Variants in ATRIP observed in about 807,000 individuals in gnomAD.
ATRIP encodes the protein ATR-interacting protein.
In ATRIP, 44 loss-of-function variants were observed where a neutral mutation model predicts 78.1. The ratio of observed to expected loss-of-function variants is 0.56; its 90% CI spans 0.44 to 0.72. The LOEUF (loss-of-function observed/expected upper bound fraction) is 0.72. ATRIP is among the 30% of genes least tolerant of loss of function. ATRIP has a pLI of 0.00. For synonymous variants in ATRIP, 388 were observed against 408.9 expected, an observed-to-expected ratio of 0.95 and a Z score of 0.62; for missense variants, 927 against 980.2, an observed-to-expected ratio of 0.95 and a Z score of 0.72.
Position 48,466,005 on chromosome 3 carries a change from A to G in ATRIP, c.*451A>G, listed in dbSNP as rs532909513. On this transcript the variant is annotated 3_prime_UTR_variant, in exon 13 of 13. Transcript: ENST00000320211. Reference sequence around the variant, plus strand: ...TAAGACCGGGAGCTGGTCTGGCACCACTGCCCTGGTCCTTCCAGCTGCCTG... The same window carrying G: ...TAAGACCGGGAGCTGGTCTGGCACCGCTGCCCTGGTCCTTCCAGCTGCCTG... 2.0e-4 allele frequency: 62 copies of G among 306,510 alleles called. No individual in the cohort carries two copies. The highest frequency in any genetic ancestry group is 1.2e-3 in the African/African-American group (56 of 46,436). The allele number at this position is 306,510 out of a possible 1,614,324, so 19.0% of individuals were successfully genotyped here.
chr3:48,459,545 G>T (rs928251037), intron 6 of ATRIP, 91 bp downstream of exon 6: 1 of 1,350,928 alleles, frequency 7.4e-7, no homozygotes, highest in Admixed American at 1.8e-5. Flanking sequence ...CCGGTGCCCC[G>T]GGCAGTCCTT....
At chr3:48,448,161 C>CTTTTTTTTT (rs34075060) in intron 1 of ATRIP, among the ~76,000 whole-genome samples, 1 of 116,766 alleles carries the variant, frequency 8.6e-6, no homozygotes, top group Non-Finnish European at 1.7e-5. Context: ...CGTGAACACC[C>CTTTTTTTTT]TTTTTTTTTT....
intron 12 of ATRIP, 121 bp downstream of exon 12, chr3:48,465,204 T>C: frequency 1.5e-6 from 2 of 1,312,126 alleles, no homozygotes; most frequent in Non-Finnish European, 2.1e-6. Flanking sequence ...GTTCCAGCAC[T>C]GGGGCCATTT....
rs575298308 is a variant in ATRIP at position 48,463,764 on chromosome 3, G to C, written c.1765G>C (p.Val589Leu). ...TTTTAGGTTCCAGTGTGTGTTCCAA[G>C]TGCTGCCAAAGTGCCTCAGCCCAGA... ...FLPRFQCVFQ[V>L]LPKCLSPETP... is the part of the protein sequence containing the mutation. Residue 589 changes from valine (V) to leucine (L), a missense_variant, in exon 9 of 13, where the codon GTG becomes CTG. Coordinates refer to ENST00000320211, the MANE Select transcript of ATRIP (RefSeq NM_130384.3). The C allele has an allele frequency of 6.2e-7, 1 of 1,614,016 alleles. No homozygotes were observed. The highest frequency in any genetic ancestry group is 8.5e-7 in the Non-Finnish European group (1 of 1,180,028).
At chr3:48,453,317 CAGCAAACTT>C (rs892535735) in intron 3 of ATRIP, among the ~76,000 whole-genome samples, 47 of 152,336 alleles carry the variant, frequency 3.1e-4, no homozygotes, top group African/African-American at 1.1e-3. Context: ...TTGTTTCATT[CAGCAAACTT>C]AGCAAACTTT....
chr3:48,455,483 A>G (rs1209403430), intron 4 of ATRIP, among the ~76,000 whole-genome samples: 3 of 151,734 alleles, frequency 2.0e-5, no homozygotes, highest in Non-Finnish European at 4.4e-5. Flanking sequence ...AAGTCTTTGC[A>G]TTCTATTGGA....
chr3:48,460,091 T>C lies in ATRIP; in HGVS notation c.1056-19T>C. Reference sequence around the variant, plus strand: ...CTCCATCCCACACTTAATCTATTTTTCTTTGTGTTTGTTGCCAGTACCTTG... The same window carrying C: ...CTCCATCCCACACTTAATCTATTTTCCTTTGTGTTTGTTGCCAGTACCTTG... On this transcript the variant is annotated intron_variant, in intron 7 of 12. Transcript: ENST00000320211. 6.3e-7 allele frequency: 1 copy of C among 1,595,438 alleles called. No individual in the cohort carries two copies. Among genetic ancestry groups the C allele is most frequent in the South Asian group, 1.1e-5 (1 of 88,722 alleles).
chr3:48,456,977 T>C (rs150971096), intron 4 of ATRIP, among the ~76,000 whole-genome samples: 131 of 152,254 alleles, frequency 8.6e-4, no homozygotes, highest in Admixed American at 2.9e-3. Flanking sequence ...CCAGAGTGGG[T>C]GGATCACTTG....
At position 48,466,192 on chromosome 3, in the gene ATRIP, G is replaced by A; in HGVS notation, c.*638G>A. On this transcript the variant is annotated 3_prime_UTR_variant, in exon 13 of 13. Transcript: ENST00000320211. Reference sequence around the variant, plus strand: ...CAGGCTGACGAGCAGGGCGGGCCTGGCTCACGTGGGCCTGTAGGCGGGCCC... The same window carrying A: ...CAGGCTGACGAGCAGGGCGGGCCTGACTCACGTGGGCCTGTAGGCGGGCCC... 3 of 536,256 alleles carry A rather than the reference G, an allele frequency of 5.6e-6. No individual in the cohort carries two copies. Among genetic ancestry groups the A allele is most frequent in the Non-Finnish European group, 1.0e-5 (3 of 294,570 alleles). 33.2% of individuals were successfully genotyped at this position (536,256 alleles called of 1,614,324 possible). A position where few individuals can be genotyped will look rare whatever the true frequency, so the allele number is the denominator to read the frequency against.
intron 8 of ATRIP, among the ~76,000 whole-genome samples, chr3:48,463,050 C>T (rs2040163962): frequency 6.6e-6 from 1 of 152,324 alleles, no homozygotes; most frequent in South Asian, 2.1e-4. Context: ...CCTGGCCAGA[C>T]CCCATAGAGT....
rs374232562 is a variant in ATRIP at position 48,467,501 on chromosome 3, A to G, written c.*1947A>G. ...CTCCAGTGAAGGACCCTGGAGCCCT[A>G]TCCAGGGAGGGGCTGCTGGCCCCAC... is the stretch of plus-strand genomic sequence containing the variant. On this transcript the variant is annotated 3_prime_UTR_variant, in exon 13 of 13. Coordinates refer to ENST00000320211, the MANE Select transcript of ATRIP (RefSeq NM_130384.3). 1 of 1,613,986 alleles carries G rather than the reference A, an allele frequency of 6.2e-7. No individual in the cohort carries two copies. Among genetic ancestry groups the G allele is most frequent in the African/African-American group, 1.3e-5 (1 of 74,936 alleles).
intron 2 of ATRIP, chr3:48,450,627 T>G (rs1026517945): frequency 2.9e-6 from 3 of 1,032,444 alleles, no homozygotes; most frequent in Non-Finnish European, 3.9e-6. Context: ...GAGTCTGTCA[T>G]CCAGGCTGGA....
chr3:48,446,824 A>G lies in ATRIP; in HGVS notation c.-22A>G. 2.9e-6 allele frequency: 4 copies of G among 1,387,046 alleles called. No individual in the cohort carries two copies. The highest frequency in any genetic ancestry group is 2.8e-6 in the Non-Finnish European group (3 of 1,069,600). 85.9% of individuals were successfully genotyped at this position (1,387,046 alleles called of 1,614,324 possible). ...GGCAAGTCTAGCTCGGCGCTGTCGG[A>G]TACTTGGGGTGAGCGGAAAGCATGG... On this transcript the variant is annotated 5_prime_UTR_variant, in exon 1 of 13. Transcript: ENST00000320211.
In ATRIP at chr3:48,466,120, G is replaced by A. The variant is rs1421938618; in HGVS notation, c.*566G>A. ...CCTCTGGGGTCCCCCGGGAGCAGGG[G>A]AGTGGGTGTGGGGGGGAACGGATGG... On this transcript the variant is annotated 3_prime_UTR_variant, in exon 13 of 13. Coordinates refer to ENST00000320211, the MANE Select transcript of ATRIP (RefSeq NM_130384.3). 2.4e-6 allele frequency: 1 copy of A among 408,796 alleles called. No individual in the cohort carries two copies. The highest frequency in any genetic ancestry group is 4.6e-6 in the Non-Finnish European group (1 of 215,944). 25.3% of individuals were successfully genotyped at this position (408,796 alleles called of 1,614,324 possible). A position where few individuals can be genotyped will look rare whatever the true frequency, so the allele number is the denominator to read the frequency against.
intron 1 of ATRIP, among the ~76,000 whole-genome samples, chr3:48,448,161 CTTT>C (rs34075060): frequency 2.6e-5 from 3 of 116,746 alleles, no homozygotes; most frequent in Non-Finnish European, 3.4e-5. Context: ...CGTGAACACC[CTTT>C]TTTTTTTTTT....
In ATRIP at chr3:48,463,879, C is replaced by T; in HGVS notation, c.1880C>T (p.Ser627Leu). ...DQLAPQLCSH[S>L]EGCLLLLLYM... ...CTGGCACCTCAGCTCTGTTCCCACT[C>T]AGGTAAAGCAGGGTGGGGCGGGCGT... The change falls in exon 9 of 13, where the codon TCA becomes TTA. Residue 627 changes from serine to leucine, a missense_variant and splice_region_variant. Physicochemically the swap from Ser to Leu is moderately radical, Grantham distance 145 (BLOSUM62 -2). Coordinates refer to ENST00000320211, the MANE Select transcript of ATRIP (RefSeq NM_130384.3). 6.2e-7 allele frequency: 1 copy of T among 1,614,100 alleles called. No homozygotes were observed. The highest frequency in any genetic ancestry group is 8.5e-7 in the Non-Finnish European group (1 of 1,180,032).
Position 48,466,412 on chromosome 3 carries a change from A to AG in ATRIP, c.*861dup. ...AGGGGAGGGGCCGAGTCATGTGAAG[A>AG]GGGAGACCCTCTCAGACAGTCGAAT... On this transcript the variant is annotated 3_prime_UTR_variant, in exon 13 of 13. Transcript: ENST00000320211. The AG allele has an allele frequency of 6.2e-7, 1 of 1,601,552 alleles. No individual in the cohort carries two copies. Among genetic ancestry groups the AG allele is most frequent in the South Asian group, 1.1e-5 (1 of 90,524 alleles).
At chr3:48,462,314 C>A (rs548394810) in intron 8 of ATRIP, among the ~76,000 whole-genome samples, 53 of 151,844 alleles carry the variant, frequency 3.5e-4, no homozygotes, top group Middle Eastern at 3.4e-3. Context: ...TTATTCCACT[C>A]CTGTTGAGCT....
chr3:48,463,991 C>T (rs2040193341), intron 9 of ATRIP, 50 bp from the exon 10 acceptor site: 2 of 1,605,384 alleles, frequency 1.2e-6, no homozygotes, highest in East Asian at 2.2e-5. Context: ...GTAGCCCACG[C>T]TCTTTATGAG....
Sources: gnomAD v4.1 joint callset for allele counts (sites outside exome capture counted in the v4.1 genomes callset) on GRCh38, gnomAD v4.1.1 for gene constraint, MANE v1.5 for transcripts, NCBI Gene and HGNC (gene_info 2026-07-23, HGNC 2026-07-21) for gene names.